GPD1L: variants seen among roughly 807,000 people sequenced by gnomAD.
GPD1L encodes glycerol-3-phosphate dehydrogenase 1-like protein.
A neutral mutation model predicts 32.9 loss-of-function variants in GPD1L; 17 were observed. The observed-to-expected ratio is 0.52, with a 90% CI of 0.35 to 0.78. The LOEUF is 0.78. GPD1L is among the 30% of genes least tolerant of loss of function. GPD1L has a pLI of 0.01. For synonymous variants in GPD1L, 187 were observed against 165.9 expected (o/e 1.13, Z -0.98); for missense variants, 361 against 447.8 (o/e 0.81, Z 1.75).
At chr3:32,129,854 A>T (rs984726130) in intron 2 of GPD1L, among the ~76,000 whole-genome samples, 1 of 152,162 alleles carries the variant, frequency 6.6e-6, no homozygotes, top group African/African-American at 2.4e-5. Flanking sequence ...GGGGCAGATC[A>T]TTCTTTTGAG....
intron 2 of GPD1L, among the ~76,000 whole-genome samples, chr3:32,132,076 T>C (rs1439031157): frequency 6.6e-6 from 1 of 152,258 alleles, no homozygotes; most frequent in Non-Finnish European, 1.5e-5. Context: ...ATTATTGAGT[T>C]ATACAAATTC....
At chr3:32,149,948 C>A (rs76298193) in intron 5 of GPD1L, among the ~76,000 whole-genome samples, 266 of 133,108 alleles carry the variant, frequency 2.0e-3, no homozygotes, top group Middle Eastern at 4.1e-3. Flanking sequence ...GACTCCGTCT[C>A]AAAAAAAAAA....
At position 32,148,142 on chromosome 3, in the gene GPD1L, A is replaced by G. The variant is rs116151022; in HGVS notation, c.618+1408A>G. Among the ~76,000 whole-genome samples, 845 of 152,330 alleles carry G rather than the reference A, an allele frequency of 5.5e-3. 12 individuals carry two copies. The highest frequency in any genetic ancestry group is 0.019 in the African/African-American group (802 of 41,570). On this transcript the variant is annotated intron_variant, in intron 5 of 7. Coordinates refer to ENST00000282541, the MANE Select transcript of GPD1L (RefSeq NM_015141.4). Reference sequence around the variant, plus strand: ...CACTCAACAGCAGGGGGCATCGTGAATGCCTAATTGCTCAGTGCTGGCCTG... The same window carrying G: ...CACTCAACAGCAGGGGGCATCGTGAGTGCCTAATTGCTCAGTGCTGGCCTG...
chr3:32,154,518 G>A (rs960994030), intron 5 of GPD1L, among the ~76,000 whole-genome samples: 2 of 152,080 alleles, frequency 1.3e-5, no homozygotes, highest in African/African-American at 2.4e-5. Flanking sequence ...TGGACTCTGC[G>A]GTGGCCTCTC....
chr3:32,148,011 A>C (rs1056699502), intron 5 of GPD1L, among the ~76,000 whole-genome samples: 5 of 152,222 alleles, frequency 3.3e-5, no homozygotes, highest in Non-Finnish European at 7.3e-5. Flanking sequence ...ATTACATTAC[A>C]TGCAGGCCCA....
intron 6 of GPD1L, 148 bp downstream of exon 6, chr3:32,159,257 C>G (rs1701042924): frequency 7.4e-6 from 5 of 672,478 alleles, no homozygotes; most frequent in Non-Finnish European, 1.3e-5. Context: ...CTTGACTCTT[C>G]TGTTCTTTAT....
chr3:32,154,627 A>G (rs1405647703), intron 5 of GPD1L, among the ~76,000 whole-genome samples: 5 of 152,260 alleles, frequency 3.3e-5, no homozygotes, highest in Non-Finnish European at 5.9e-5. Flanking sequence ...TCATGTTCCC[A>G]TGATAATAGG....
intron 1 of GPD1L, among the ~76,000 whole-genome samples, chr3:32,112,667 A>G (rs1288165149): frequency 6.6e-6 from 1 of 151,996 alleles, no homozygotes; most frequent in African/African-American, 2.4e-5. Context: ...AATAATGACT[A>G]CTATTCTAGG....
intron 7 of GPD1L, among the ~76,000 whole-genome samples, chr3:32,163,230 A>T (rs1188753138): frequency 1.6e-5 from 2 of 128,802 alleles, no homozygotes; most frequent in African/African-American, 6.1e-5. Flanking sequence ...GTGCAGTGGC[A>T]CGATCTTGGC....
chr3:32,119,179 G>C, intron 1 of GPD1L, among the ~76,000 whole-genome samples: 1 of 152,152 alleles, frequency 6.6e-6, no homozygotes, highest in Non-Finnish European at 1.5e-5. Context: ...TTAATTCTTT[G>C]AGGGACTGCC....
At chr3:32,153,329 A>C (rs1245208336) in intron 5 of GPD1L, among the ~76,000 whole-genome samples, 1 of 152,250 alleles carries the variant, frequency 6.6e-6, no homozygotes, top group Non-Finnish European at 1.5e-5. Context: ...ATTCAAATTA[A>C]TTAAAATTCT....
chr3:32,106,682 A>G lies in GPD1L; in HGVS notation c.-30A>G, dbSNP rs774562002. ...GAGGTGGGCAGCCGGCCAGGGAAGCACGGTCCAGGCGGCTACATTCGGCCC... is the reference window on the plus strand; with the variant it reads ...GAGGTGGGCAGCCGGCCAGGGAAGCGCGGTCCAGGCGGCTACATTCGGCCC... On this transcript the variant is annotated 5_prime_UTR_variant, in exon 1 of 8. Transcript: ENST00000282541. This position sits in a 1 kb window ranked among gnomAD's most constrained non-coding sequence, Gnocchi z 4.0. The G allele has an allele frequency of 5.3e-6, 8 of 1,517,728 alleles. No individual in the cohort carries two copies. In the South Asian group the frequency reaches 8.9e-5, roughly 17 times the overall value. 94.0% of individuals were successfully genotyped at this position (1,517,728 alleles called of 1,614,324 possible).
chr3:32,161,063 G>A (rs1245260212), intron 7 of GPD1L, among the ~76,000 whole-genome samples: 1 of 152,134 alleles, frequency 6.6e-6, no homozygotes, highest in Non-Finnish European at 1.5e-5. Context: ...GGAGGGTCGT[G>A]GATGTTGTTG....
chr3:32,112,840 A>G (rs1700272114), intron 1 of GPD1L, among the ~76,000 whole-genome samples: 1 of 152,110 alleles, frequency 6.6e-6, no homozygotes, highest in South Asian at 2.1e-4. Flanking sequence ...TCGTTTAAAC[A>G]TGTGACAGGC....
At chr3:32,148,414 TG>T (rs1300459148) in intron 5 of GPD1L, among the ~76,000 whole-genome samples, 1 of 152,166 alleles carries the variant, frequency 6.6e-6, no homozygotes, top group African/African-American at 2.4e-5. Flanking sequence ...AAGGGATTCA[TG>T]GGGGATGCAG....
chr3:32,153,232 C>T (rs1348235200), intron 5 of GPD1L, among the ~76,000 whole-genome samples: 2 of 152,128 alleles, frequency 1.3e-5, no homozygotes, highest in Admixed American at 6.5e-5. Context: ...GGCCACTGCT[C>T]GCCCAAAAGC....
chr3:32,135,801 G>A (rs1700653660), intron 2 of GPD1L, among the ~76,000 whole-genome samples: 1 of 152,184 alleles, frequency 6.6e-6, no homozygotes, highest in Non-Finnish European at 1.5e-5. Context: ...CTTTGTTGGA[G>A]GGGGTGGAGT....
At chr3:32,114,955 C>T (rs982653004) in intron 1 of GPD1L, among the ~76,000 whole-genome samples, 7 of 152,176 alleles carry the variant, frequency 4.6e-5, no homozygotes, top group Non-Finnish European at 1.0e-4. Flanking sequence ...GTGAGTGTTA[C>T]AGCTCATAAA....
rs144877595 is a variant in GPD1L, at chr3:32,165,835, G to A, written c.981G>A (p.Val327=). Reference sequence around the variant, plus strand: ...CTAGGTTTCCATTGTTTACTGCAGTGTATCAGATCTGCTACGAAAGCAGAC... The same window carrying A: ...CTAGGTTTCCATTGTTTACTGCAGTATATCAGATCTGCTACGAAAGCAGAC... ...LLDKFPLFTA[V]YQICYESRPV... Residue 327 remains valine (V), a synonymous_variant, in exon 8 of 8, where the codon GTG becomes GTA. Coordinates refer to ENST00000282541, the MANE Select transcript of GPD1L (RefSeq NM_015141.4). The A allele has an allele frequency of 3.5e-4, 554 of 1,601,564 alleles. 3 individuals are homozygous for A. The African/African-American group carries it at 6.5e-3, about 19-fold the overall frequency.
Sources: allele counts gnomAD v4.1 joint callset (sites outside exome capture counted in the v4.1 genomes callset), GRCh38; gene constraint gnomAD v4.1.1; non-coding constraint Gnocchi (gnomAD v3.1); transcripts MANE v1.5; gene names NCBI Gene and HGNC (gene_info 2026-07-23, HGNC 2026-07-21).